The following BAZ1A variants were observed in gnomAD, a reference collection of about 807,000 sequenced individuals.
BAZ1A encodes the protein bromodomain adjacent to zinc finger domain 1A.
BAZ1A carries 50 observed loss-of-function variants against 185.2 expected under a neutral mutation model. That is an observed-to-expected ratio of 0.27 (90% CI 0.22 to 0.34). BAZ1A has a LOEUF of 0.34. Among genes scored for constraint, BAZ1A ranks in the 10% least tolerant of loss-of-function variants. The pLI is 1.00. For synonymous variants in BAZ1A, 571 were observed against 615.6 expected, an observed-to-expected ratio of 0.93 and a Z score of 1.07; for missense variants, 1,356 against 1,839.9, an observed-to-expected ratio of 0.74 and a Z score of 4.81.
intron 3 of BAZ1A, among the ~76,000 whole-genome samples, chr14:34,848,327 C>G (rs2042546346): frequency 6.6e-6 from 1 of 152,110 alleles, no homozygotes; most frequent in African/African-American, 2.4e-5. Flanking sequence ...TAACTAAGGC[C>G]AGGTGTGGTG....
At chr14:34,757,536 G>A (rs1197346989) in intron 25 of BAZ1A, among the ~76,000 whole-genome samples, 5 of 151,186 alleles carry the variant, frequency 3.3e-5, no homozygotes, top group African/African-American at 1.2e-4. Context: ...GTGGTGGCAG[G>A]CCCCTGTAAT....
intron 2 of BAZ1A, among the ~76,000 whole-genome samples, chr14:34,865,875 T>G (rs74811052): frequency 0.063 from 9,546 of 152,186 alleles, 398 homozygotes; most frequent in Non-Finnish European, 0.097. Context: ...AGAACTTTTT[T>G]GGGGGGAAGT....
At chr14:34,792,622 T>C (rs2138634150) in intron 12 of BAZ1A, among the ~76,000 whole-genome samples, 153 bp downstream of exon 12, 1 of 152,322 alleles carries the variant, frequency 6.6e-6, no homozygotes, top group East Asian at 1.9e-4. Context: ...TGTAACATAA[T>C]CCATTTGTTG....
chr14:34,812,424 T>C (rs1041187123), intron 4 of BAZ1A, among the ~76,000 whole-genome samples: 1 of 152,176 alleles, frequency 6.6e-6, no homozygotes, highest in African/African-American at 2.4e-5. Flanking sequence ...ACTTTGGATA[T>C]TGAGTAGTCA....
intron 12 of BAZ1A, chr14:34,786,609 T>TTTTTG: frequency 6.9e-6 from 1 of 144,042 alleles, no homozygotes; most frequent in East Asian, 2.0e-4. Flanking sequence ...ATGTGTGTTT[T>TTTTTG]TTTTTTTTTT....
rs141701961 is a variant in BAZ1A, at chr14:34,849,000, T to C, written c.392+13044A>G. Among the ~76,000 whole-genome samples the C allele has an allele frequency of 2.7e-4, 41 of 152,228 alleles. 1 individual carries two copies. Among genetic ancestry groups the C allele is most frequent in the African/African-American group, 8.9e-4 (37 of 41,546 alleles). On this transcript the variant is annotated intron_variant, in intron 3 of 26. Coordinates refer to ENST00000360310, the MANE Select transcript of BAZ1A (RefSeq NM_013448.3). ...GTTTAACCAGTTCATGTAAAACCGA[T>C]CAGAAACAGCACACGTGGCTAGGTG... is the stretch of plus-strand genomic sequence containing the variant.
intron 12 of BAZ1A, among the ~76,000 whole-genome samples, chr14:34,787,226 G>A (rs962074061): frequency 1.3e-5 from 2 of 150,616 alleles, no homozygotes; most frequent in Non-Finnish European, 3.0e-5. Context: ...GGTGGCGCAT[G>A]CCTGTAGTCC....
chr14:34,761,007 G>C (rs767139772), intron 24 of BAZ1A, among the ~76,000 whole-genome samples: 5 of 152,044 alleles, frequency 3.3e-5, no homozygotes, highest in Middle Eastern at 6.8e-3. Flanking sequence ...GGCCAGGCGC[G>C]GTGGCTCACG....
At chr14:34,871,474 A>C (rs549135549) in intron 2 of BAZ1A, among the ~76,000 whole-genome samples, 3 of 152,336 alleles carry the variant, frequency 2.0e-5, no homozygotes, top group African/African-American at 7.2e-5. Context: ...AAGAGTTAGC[A>C]ATTAGTTAAG....
intron 5 of BAZ1A, among the ~76,000 whole-genome samples, chr14:34,808,457 T>C (rs1455224400): frequency 1.3e-5 from 2 of 152,056 alleles, no homozygotes; most frequent in South Asian, 2.1e-4. Context: ...GAGATCGTGC[T>C]GCTGCACTCT....
At chr14:34,818,177 T>C (rs544212736) in intron 4 of BAZ1A, among the ~76,000 whole-genome samples, 86 of 152,340 alleles carry the variant, frequency 5.6e-4, no homozygotes, top group African/African-American at 1.7e-3. Flanking sequence ...AAGTTCCTGA[T>C]TGTGCTACAA....
chr14:34,798,232 C>A (rs1881313920), intron 9 of BAZ1A, among the ~76,000 whole-genome samples: 1 of 152,272 alleles, frequency 6.6e-6, no homozygotes, highest in Admixed American at 6.5e-5. Flanking sequence ...CTCTGAAAGG[C>A]CTGCTGCGTC....
Position 34,771,667 on chromosome 14 carries a change from TAAAAC to T in BAZ1A, c.3153-13_3153-9del, listed in dbSNP as rs767399438. 6.2e-7 allele frequency: 1 copy of T among 1,609,980 alleles called. No individual in the cohort carries two copies. Among genetic ancestry groups the T allele is most frequent in the Admixed American group, 1.7e-5 (1 of 59,018 alleles). On this transcript the variant is annotated splice_polypyrimidine_tract_variant and intron_variant, in intron 20 of 26. Transcript: ENST00000360310. ...GTTTTTATCCCCAAAAGTCTACAATTAAAACAATTAAGAGTTTATGGTACTTAAAA... is the reference window on the plus strand; with the variant it reads ...GTTTTTATCCCCAAAAGTCTACAATTAATTAAGAGTTTATGGTACTTAAAA...
At chr14:34,770,243 T>C (rs1879119902) in intron 21 of BAZ1A, among the ~76,000 whole-genome samples, 1 of 152,200 alleles carries the variant, frequency 6.6e-6, no homozygotes, top group South Asian at 2.1e-4. Context: ...ATCCTCTGCC[T>C]CCCAGGTTCA....
At chr14:34,846,492 T>C (rs923420621) in intron 3 of BAZ1A, among the ~76,000 whole-genome samples, 3 of 152,218 alleles carry the variant, frequency 2.0e-5, no homozygotes, top group Admixed American at 1.3e-4. Flanking sequence ...CTAAACTTCA[T>C]TGAACTATTT....
In BAZ1A at chr14:34,783,749, A is replaced by G; in HGVS notation, c.1997+13T>C. 4 of 1,601,022 alleles carry G rather than the reference A, an allele frequency of 2.5e-6. No homozygotes were observed. The highest frequency in any genetic ancestry group is 3.4e-6 in the Non-Finnish European group (4 of 1,175,986). The stretch of plus-strand genomic sequence containing the variant: ...CAGCTTTCATTAACACAACTATTAC[A>G]ATTATCTCTTACCTGGCAGCTGCTT... On this transcript the variant is annotated intron_variant, in intron 15 of 26. Transcript: ENST00000360310.
chr14:34,784,239 G>A lies in BAZ1A; in HGVS notation c.1832-312C>T, dbSNP rs1325528455. 3.3e-5 allele frequency among the ~76,000 whole-genome samples: 5 copies of A among 151,584 alleles called. No individual in the cohort carries two copies. In the South Asian group the frequency reaches 1.0e-3, roughly 32 times the overall value. On this transcript the variant is annotated intron_variant, in intron 14 of 26. Transcript: ENST00000360310. Reference sequence around the variant, plus strand: ...CAAAAATAGCTGGATGTGGTGGTATGTGCCTGTAGTCCCAGCTGCTTGGGA... The same window carrying A: ...CAAAAATAGCTGGATGTGGTGGTATATGCCTGTAGTCCCAGCTGCTTGGGA...
chr14:34,868,309 C>T (rs1381673798), intron 2 of BAZ1A, among the ~76,000 whole-genome samples: 1 of 152,102 alleles, frequency 6.6e-6, no homozygotes, highest in African/African-American at 2.4e-5. Flanking sequence ...ATTTGATGAC[C>T]CCTCCTCTTT....
intron 21 of BAZ1A, among the ~76,000 whole-genome samples, chr14:34,767,258 G>A (rs1015100322): frequency 3.3e-5 from 5 of 152,028 alleles, no homozygotes; most frequent in Non-Finnish European, 7.4e-5. Context: ...TGTATCTAAC[G>A]TCTAATTGGA....
Sources: gnomAD v4.1 joint callset for allele counts (sites outside exome capture counted in the v4.1 genomes callset) on GRCh38, gnomAD v4.1.1 for gene constraint, MANE v1.5 for transcripts, NCBI Gene and HGNC (gene_info 2026-07-23, HGNC 2026-07-21) for gene names.